AFG2A: variants seen among roughly 807,000 people sequenced by gnomAD.
The protein encoded by AFG2A is AAA ATPase AFG2A.
the AFG2A span, among the ~76,000 whole-genome samples, chr4:123,244,801 T>G: frequency 6.6e-6 from 1 of 152,356 alleles, no homozygotes; most frequent in Non-Finnish European, 1.5e-5. Context: ...ATATATTTCT[T>G]GTCTGCATGC....
the AFG2A span, among the ~76,000 whole-genome samples, chr4:123,010,861 AT>A: frequency 9.2e-5 from 14 of 152,242 alleles, no homozygotes; most frequent in Non-Finnish European, 2.1e-4. Flanking sequence ...CTTTGAGCCA[AT>A]TCCCTAGTTG....
the AFG2A span, among the ~76,000 whole-genome samples, chr4:123,207,404 C>T: frequency 6.6e-6 from 1 of 151,632 alleles, no homozygotes; most frequent in Non-Finnish European, 1.5e-5. Context: ...ACCTCTGCCA[C>T]CTGGACGCAA....
At chr4:122,948,189 A>C in the AFG2A span, among the ~76,000 whole-genome samples, 2 of 152,074 alleles carry the variant, frequency 1.3e-5, no homozygotes, top group Non-Finnish European at 2.9e-5. Context: ...CTGTATTTAC[A>C]TAGCATTTAC....
At chr4:123,288,514 T>G in the AFG2A span, among the ~76,000 whole-genome samples, 1 of 152,220 alleles carries the variant, frequency 6.6e-6, no homozygotes, top group African/African-American at 2.4e-5. Flanking sequence ...CTCTGCCACA[T>G]GAACAAACTT....
chr4:123,173,950 G>A, the AFG2A span, among the ~76,000 whole-genome samples: 4 of 151,840 alleles, frequency 2.6e-5, no homozygotes, highest in Admixed American at 6.6e-5. Flanking sequence ...ATATATTCTT[G>A]ATATAGATCT....
At chr4:123,109,561 A>G in the AFG2A span, among the ~76,000 whole-genome samples, 3 of 152,176 alleles carry the variant, frequency 2.0e-5, no homozygotes. Flanking sequence ...CAATAATAAT[A>G]TTGAGCCTCA....
chr4:123,064,830 G>A, the AFG2A span, among the ~76,000 whole-genome samples: 1 of 152,124 alleles, frequency 6.6e-6, no homozygotes, highest in Admixed American at 6.6e-5. Context: ...TGAAACTTAG[G>A]GTCATTAGCT....
the AFG2A span, among the ~76,000 whole-genome samples, chr4:123,225,083 T>G: frequency 6.6e-6 from 1 of 152,230 alleles, no homozygotes; most frequent in East Asian, 1.9e-4. Flanking sequence ...GTAAATTTGT[T>G]TGAGTTCATT....
chr4:123,303,622 G>A, the AFG2A span, among the ~76,000 whole-genome samples: 16 of 151,916 alleles, frequency 1.1e-4, no homozygotes, highest in African/African-American at 2.4e-4. Flanking sequence ...AAAGCCAGGC[G>A]TGGTGGCATA....
chr4:123,029,434 G>A, the AFG2A span, among the ~76,000 whole-genome samples: 1 of 152,318 alleles, frequency 6.6e-6, no homozygotes, highest in Non-Finnish European at 1.5e-5. Flanking sequence ...CAAAACTTCA[G>A]AGTAGTTTGT....
chr4:123,053,090 G>C, the AFG2A span, among the ~76,000 whole-genome samples: 1 of 152,210 alleles, frequency 6.6e-6, no homozygotes, highest in African/African-American at 2.4e-5. Context: ...CCCAAACTGA[G>C]GGTGGGGCTT....
chr4:123,018,001 C>A, the AFG2A span, among the ~76,000 whole-genome samples: 1 of 152,078 alleles, frequency 6.6e-6, no homozygotes, highest in Non-Finnish European at 1.5e-5. Flanking sequence ...TATTTTGCTG[C>A]CTTGGAATTT....
the AFG2A span, among the ~76,000 whole-genome samples, chr4:123,231,533 C>A: frequency 6.6e-6 from 1 of 152,006 alleles, no homozygotes; most frequent in African/African-American, 2.4e-5. Context: ...TCCATATCAT[C>A]AGTAAGACTG....
the AFG2A span, among the ~76,000 whole-genome samples, chr4:123,071,183 A>G: frequency 1.3e-5 from 2 of 152,232 alleles, no homozygotes; most frequent in Non-Finnish European, 2.9e-5. Flanking sequence ...TGAGTTTAAG[A>G]ATCACTTGTT....
the AFG2A span, among the ~76,000 whole-genome samples, chr4:123,118,316 A>ATATGTTATATATAAT: frequency 1.5e-5 from 2 of 129,336 alleles, no homozygotes; most frequent in African/African-American, 3.2e-5. Flanking sequence ...TATATATAAT[A>ATATGTTATATATAAT]TATATTATAT....
the AFG2A span, among the ~76,000 whole-genome samples, chr4:123,150,849 C>T: frequency 0.037 from 5,568 of 152,206 alleles, 337 homozygotes; most frequent in African/African-American, 0.13. Flanking sequence ...GGAGACGTCA[C>T]ACTACCTGAC....
At chr4:123,057,095 G>A in the AFG2A span, 5 of 998,168 alleles carry the variant, frequency 5.0e-6, no homozygotes, top group Admixed American at 2.0e-5. Flanking sequence ...AAGTGACTGG[G>A]CTTGTTGACT....
At chr4:122,988,633 G>T in the AFG2A span, among the ~76,000 whole-genome samples, 3 of 151,946 alleles carry the variant, frequency 2.0e-5, no homozygotes, top group Non-Finnish European at 4.4e-5. Flanking sequence ...CTGACCTCGT[G>T]ATCCACCCGC....
the AFG2A span, among the ~76,000 whole-genome samples, chr4:123,225,778 T>C: frequency 6.6e-6 from 1 of 152,226 alleles, no homozygotes; most frequent in African/African-American, 2.4e-5. Flanking sequence ...GGGGATGGCA[T>C]TGAATCTGTA....
Sources: allele counts gnomAD v4.1 joint callset (sites outside exome capture counted in the v4.1 genomes callset), GRCh38; gene constraint gnomAD v4.1.1; transcripts MANE v1.5; gene names NCBI Gene and HGNC (gene_info 2026-07-23, HGNC 2026-07-21).